DOCK8: variants seen among roughly 807,000 people sequenced by gnomAD.
The protein encoded by DOCK8 is dedicator of cytokinesis 8, also known as dedicator of cytokinesis protein 8.
In DOCK8, 141 loss-of-function variants were observed where a neutral mutation model predicts 245.6. The ratio of observed to expected loss-of-function variants is 0.57; its 90% CI spans 0.50 to 0.66. The LOEUF is 0.66. Among genes scored for constraint, DOCK8 ranks in the 30% least tolerant of loss-of-function variants. The probability of loss-of-function intolerance (pLI) is 0.00; values close to 1 mark genes in which losing one functional copy is unlikely to be tolerated. For missense variants in DOCK8, 2,965 were observed against 2,603.4 expected, an observed-to-expected ratio of 1.14 and a Z score of -3.02; for synonymous variants, 1,168 against 970.2, an observed-to-expected ratio of 1.20 and a Z score of -3.79.
intron 13 of DOCK8, among the ~76,000 whole-genome samples, chr9:339,864 T>C (rs187544203): frequency 6.6e-6 from 1 of 152,294 alleles, no homozygotes; most frequent in Admixed American, 6.5e-5. Flanking sequence ...TGCAGGGAAG[T>C]TACTTAACAA....
At chr9:245,914 A>G (rs1031523849) in intron 1 of DOCK8, among the ~76,000 whole-genome samples, 1 of 152,090 alleles carries the variant, frequency 6.6e-6, no homozygotes, top group Admixed American at 6.5e-5. Context: ...CAAGCAAACA[A>G]AAGCAATTAA....
At position 464,289 on chromosome 9, in the gene DOCK8, A is replaced by G. The variant is rs2057905380; in HGVS notation, c.*70A>G. 7 of 1,383,490 alleles carry G rather than the reference A, an allele frequency of 5.1e-6. No homozygotes were observed. Among genetic ancestry groups the G allele is most frequent in the Non-Finnish European group, 7.2e-6 (7 of 970,032 alleles). The allele number at this position is 1,383,490 out of a possible 1,614,324, so 85.7% of individuals were successfully genotyped here. A position where few individuals can be genotyped will look rare whatever the true frequency, so the allele number is the denominator to read the frequency against. On this transcript the variant is annotated 3_prime_UTR_variant, in exon 48 of 48. Coordinates refer to ENST00000432829, the MANE Select transcript of DOCK8 (RefSeq NM_203447.4). ...GAGAAGGACTTGCTGGTACTTAAAAAATGGGACATTTGCCACCCAGGACTG... is the reference window on the plus strand; with the variant it reads ...GAGAAGGACTTGCTGGTACTTAAAAGATGGGACATTTGCCACCCAGGACTG...
intron 46 of DOCK8, chr9:456,720 C>T (rs1344965396): frequency 6.6e-6 from 1 of 152,166 alleles, no homozygotes; most frequent in Non-Finnish European, 1.5e-5. Flanking sequence ...TAATAAAAAA[C>T]ATCTCGGGTT....
At chr9:426,266 G>A (rs966635675) in intron 33 of DOCK8, among the ~76,000 whole-genome samples, 11 of 152,126 alleles carry the variant, frequency 7.2e-5, no homozygotes, top group African/African-American at 2.4e-4. Context: ...AGTAATGTCC[G>A]GCAGGATATT....
chr9:399,812 T>C (rs1367991450), intron 26 of DOCK8, among the ~76,000 whole-genome samples: 1 of 151,960 alleles, frequency 6.6e-6, no homozygotes, highest in Non-Finnish European at 1.5e-5. Flanking sequence ...ATGTGCTGTC[T>C]CCCTCAAACT....
chr9:325,810 ATT>A (rs941639408), intron 8 of DOCK8, 73 bp downstream of exon 8: 35 of 1,262,138 alleles, frequency 2.8e-5, no homozygotes, highest in African/African-American at 1.4e-4. Flanking sequence ...ATGTTTTTAA[ATT>A]TCTTTGCAGC....
At chr9:388,532 G>T (rs987200678) in intron 23 of DOCK8, among the ~76,000 whole-genome samples, 5 of 151,786 alleles carry the variant, frequency 3.3e-5, no homozygotes, top group African/African-American at 1.2e-4. Context: ...TGGGTTGCAT[G>T]CGTACTGGAC....
chr9:309,150 A>T (rs1279721102), intron 5 of DOCK8, among the ~76,000 whole-genome samples: 3 of 152,174 alleles, frequency 2.0e-5, no homozygotes, highest in African/African-American at 7.2e-5. Context: ...TAGAAGTGAA[A>T]TTTCTAGATT....
At chr9:214,760 G>C (rs779181761), upstream of DOCK8, 39 of 1,534,398 alleles carry the variant, frequency 2.5e-5, no homozygotes, top group East Asian at 1.0e-3. Context: ...CTGCCTGCGC[G>C]CCAGGCCGGG....
At position 382,624 on chromosome 9, in the gene DOCK8, C is replaced by A; in HGVS notation, c.2717C>A (p.Pro906Gln). Residue 906 changes from proline (P) to glutamine (Q), a missense_variant, in exon 22 of 48, where the codon CCA (proline) becomes CAA (glutamine). Coordinates refer to ENST00000432829, the MANE Select transcript of DOCK8 (RefSeq NM_203447.4). ...GCCCGGGTGATGAGCAGCAGTAACC[C>A]AGACCTCGCGGGGACACACTCCGCA... ...LQARVMSSSN[P>Q]DLAGTHSAAD... 1 of 1,614,170 alleles carries A rather than the reference C, an allele frequency of 6.2e-7. No individual in the cohort carries two copies. The highest frequency in any genetic ancestry group is 8.5e-7 in the Non-Finnish European group (1 of 1,180,034).
At position 352,740 on chromosome 9, in the gene DOCK8, C is replaced by CAAA. The variant is rs56298794; in HGVS notation, c.1679+12426_1679+12428dup. On this transcript the variant is annotated intron_variant, in intron 14 of 47. Transcript: ENST00000432829. Reference sequence around the variant, plus strand: ...CCAGTGACAGTGTGAGACTCTGTCTCAAAAAAAAAGTGCCGATACTTTATA... The same window carrying CAAA: ...CCAGTGACAGTGTGAGACTCTGTCTCAAAAAAAAAAAAGTGCCGATACTTTATA... Among the ~76,000 whole-genome samples the CAAA allele has an allele frequency of 2.8e-5, 4 of 141,524 alleles. 1 individual carries two copies. Among genetic ancestry groups the CAAA allele is most frequent in the Non-Finnish European group, 4.6e-5 (3 of 65,478 alleles). The allele number at this position is 141,524 out of a possible 152,430, so 92.8% of individuals were successfully genotyped here.
In DOCK8 at chr9:439,335, A is replaced by G; in HGVS notation, c.5170A>G (p.Thr1724Ala). The G allele has an allele frequency of 6.2e-7, 1 of 1,614,068 alleles. No homozygotes were observed. The change falls in exon 40 of 48, where the codon ACC becomes GCC. Residue 1724 changes from threonine (T) to alanine (A), a missense_variant. Transcript: ENST00000432829. ...EDGVCAGQYF[T>A]ESGLVGLLEQ... ...TGGGGTGTGCGCAGGCCAGTACTTC[A>G]CCGAGAGTGGCCTGGTAGGCCTCCT...
intron 22 of DOCK8, among the ~76,000 whole-genome samples, chr9:384,717 C>T (rs1275102994): frequency 1.3e-5 from 2 of 152,116 alleles, no homozygotes; most frequent in Non-Finnish European, 1.5e-5. Context: ...GAGATCGAGA[C>T]CATCCTGGCT....
chr9:298,892 A>G (rs571045), intron 4 of DOCK8, among the ~76,000 whole-genome samples: 136,315 of 150,056 alleles, frequency 0.91, 61,973 homozygotes, highest in Admixed American at 0.93. Context: ...AAAATGTACA[A>G]GTCCTTAAAA....
chr9:400,942 C>T (rs1172497092), intron 26 of DOCK8, among the ~76,000 whole-genome samples: 1 of 63,872 alleles, frequency 1.6e-5, no homozygotes, highest in Non-Finnish European at 2.5e-5. Context: ...CATCCACCAC[C>T]ACCATCACCA....
chr9:446,591 C>T lies in DOCK8; in HGVS notation c.5802C>T (p.Val1934=), dbSNP rs1261609583. 6.2e-7 allele frequency: 1 copy of T among 1,614,060 alleles called. No homozygotes were observed. The highest frequency in any genetic ancestry group is 1.3e-5 in the African/African-American group (1 of 74,924). Residue 1934 remains valine (V), a synonymous_variant, in exon 44 of 48, where the codon GTC becomes GTT. Transcript: ENST00000432829. The part of the protein sequence containing the change: ...AFPYIKTRIS[V]IQKEEFVLTP... ...CCTACATCAAGACCAGGATCAGCGT[C>T]ATCCAGAAGGAGGAGGTAATGCACC... is the stretch of plus-strand genomic sequence containing the variant.
intron 1 of DOCK8, among the ~76,000 whole-genome samples, chr9:271,188 T>C (rs2048155227): frequency 6.6e-6 from 1 of 152,216 alleles, no homozygotes; most frequent in Non-Finnish European, 1.5e-5. Flanking sequence ...TTCTCTGTTG[T>C]AGCAACCAGT....
chr9:463,662 A>G lies in DOCK8; in HGVS notation c.6214A>G (p.Ile2072Val), dbSNP rs148464417. The G allele has an allele frequency of 1.2e-5, 20 of 1,613,844 alleles. No individual in the cohort carries two copies. The highest frequency in any genetic ancestry group is 1.6e-4 in the Middle Eastern group (1 of 6,062). ...GAAAATTCCAGAACTGTACAAGCCA[A>G]TATTCAGAGTTGAGAGTCAAAAGAG... ...ERKIPELYKP[I>V]FRVESQKRDS... Residue 2072 changes from isoleucine to valine, a missense_variant, in exon 47 of 48, where the codon ATA becomes GTA. Physicochemically the swap from Ile to Val is conservative, Grantham distance 29 (BLOSUM62 3). Coordinates refer to ENST00000432829, the MANE Select transcript of DOCK8 (RefSeq NM_203447.4).
At chr9:407,557 C>G (rs2055493367) in intron 28 of DOCK8, among the ~76,000 whole-genome samples, 1 of 152,168 alleles carries the variant, frequency 6.6e-6, no homozygotes, top group Non-Finnish European at 1.5e-5. Context: ...TCCAGGGCTT[C>G]TGAATCCTTT....
Sources: gnomAD v4.1 joint callset for allele counts (sites outside exome capture counted in the v4.1 genomes callset) on GRCh38, gnomAD v4.1.1 for gene constraint, MANE v1.5 for transcripts, NCBI Gene and HGNC (gene_info 2026-07-23, HGNC 2026-07-21) for gene names.